Variants in CD5 observed in about 807,000 individuals in gnomAD.
The protein encoded by CD5 is CD5 molecule, also known as T-cell surface glycoprotein CD5.
A neutral mutation model predicts 60.3 loss-of-function variants in CD5; 36 were observed. That is an observed-to-expected ratio of 0.60 (90% CI 0.46 to 0.79). CD5 has a LOEUF of 0.79. CD5 is among the 30% of genes least tolerant of loss of function. The pLI, the probability that CD5 is intolerant of heterozygous loss-of-function variation, is 0.00. For missense variants in CD5, 540 were observed against 630.6 expected (o/e 0.86, Z 1.54); for synonymous variants, 230 against 257.6 (o/e 0.89, Z 1.03).
At chr11:61,100,216 TCA>T (rs1168953011), upstream of CD5, among the ~76,000 whole-genome samples, 3 of 116,458 alleles carry the variant, frequency 2.6e-5, no homozygotes, top group Non-Finnish European at 3.4e-5. Flanking sequence ...AACATGGAGA[TCA>T]CACACACACA....
At chr11:61,103,589 ATGTGTGAGTCTATGTGTGTC>A (rs1275935207) in intron 1 of CD5, among the ~76,000 whole-genome samples, 4 of 150,436 alleles carry the variant, frequency 2.7e-5, no homozygotes, top group Non-Finnish European at 5.9e-5. Context: ...GTGTGGGGGA[ATGTGTGAGTCTATGTGTGTC>A]TGTGTGAGTC....
chr11:61,102,413 C>A (rs993100681), upstream of CD5: 1 of 619,216 alleles, frequency 1.6e-6, no homozygotes, highest in Non-Finnish European at 2.8e-6. Flanking sequence ...ACATGGGTGA[C>A]GCAGGCCCCA....
At chr11:61,107,847 C>T (rs80233470) in intron 1 of CD5, among the ~76,000 whole-genome samples, 16,346 of 152,174 alleles carry the variant, frequency 0.11, 951 homozygotes, top group Non-Finnish European at 0.13. Context: ...TCTGCAGAGA[C>T]GACAAGGGTC....
intron 1 of CD5, among the ~76,000 whole-genome samples, chr11:61,109,448 G>A (rs566981108): frequency 7.4e-4 from 112 of 152,290 alleles, no homozygotes; most frequent in Non-Finnish European, 1.1e-3. Flanking sequence ...GTGGAGCCAG[G>A]ATGTCCTATT....
intron 5 of CD5, among the ~76,000 whole-genome samples, chr11:61,120,343 G>A (rs548814294): frequency 4.6e-5 from 7 of 152,304 alleles, no homozygotes; most frequent in Admixed American, 1.3e-4. Flanking sequence ...TGTACTTACC[G>A]AGAGCTTACT....
chr11:61,113,240 T>G (rs1860884622), intron 1 of CD5, among the ~76,000 whole-genome samples: 2 of 152,222 alleles, frequency 1.3e-5, no homozygotes, highest in South Asian at 4.1e-4. Context: ...ACCTAACTGA[T>G]CACGCTAGGT....
At chr11:61,099,999 T>TCA (rs1214441780), upstream of CD5, among the ~76,000 whole-genome samples, 26 of 133,272 alleles carry the variant, frequency 2.0e-4, no homozygotes, top group Non-Finnish European at 3.1e-4. Context: ...AACATGGAGA[T>TCA]CACACACACA....
chr11:61,099,512 C>T (rs1467620297), upstream of CD5, among the ~76,000 whole-genome samples: 2 of 147,254 alleles, frequency 1.4e-5, no homozygotes, highest in Non-Finnish European at 3.0e-5. Context: ...CACACACACA[C>T]ATCAACATGG....
intron 6 of CD5, among the ~76,000 whole-genome samples, chr11:61,122,446 G>GA (rs1861080613): frequency 6.6e-6 from 1 of 151,292 alleles, no homozygotes; most frequent in South Asian, 2.1e-4. Flanking sequence ...TGGATGGATG[G>GA]TTGGATGGAT....
chr11:61,114,064 A>G (rs1590769756), intron 1 of CD5, among the ~76,000 whole-genome samples: 1 of 152,144 alleles, frequency 6.6e-6, no homozygotes, highest in East Asian at 1.9e-4. Context: ...AACCCCCAAC[A>G]CACAAAAAGT....
chr11:61,111,921 AG>A (rs773678068), intron 1 of CD5, among the ~76,000 whole-genome samples: 7 of 152,254 alleles, frequency 4.6e-5, no homozygotes, highest in Non-Finnish European at 8.8e-5. Context: ...CTAGAAAGCT[AG>A]TCCCATGCTC....
intron 1 of CD5, 61 bp from the exon 2 acceptor site, chr11:61,114,995 C>A: frequency 2.0e-6 from 3 of 1,500,246 alleles, no homozygotes; most frequent in Non-Finnish European, 2.7e-6. Flanking sequence ...GGTGGGTGAG[C>A]TGGGGAGAAG....
At chr11:61,100,053 C>G (rs1472404764), upstream of CD5, among the ~76,000 whole-genome samples, 1 of 148,992 alleles carries the variant, frequency 6.7e-6, no homozygotes, top group South Asian at 2.1e-4. Flanking sequence ...AGATCACACA[C>G]ACACATCAAC....
chr11:61,115,040 T>C lies in CD5; in HGVS notation c.56-16T>C. On this transcript the variant is annotated splice_polypyrimidine_tract_variant and intron_variant, in intron 1 of 10. Transcript: ENST00000347785. ...GGGAGGTTTCACTTCCTGACCCTCCTCTCTTCTTTCTGCAGTCGCTTCCTG... is the reference window on the plus strand; with the variant it reads ...GGGAGGTTTCACTTCCTGACCCTCCCCTCTTCTTTCTGCAGTCGCTTCCTG... 1 of 1,554,340 alleles carries C rather than the reference T, an allele frequency of 6.4e-7. No individual in the cohort carries two copies. The highest frequency in any genetic ancestry group is 2.4e-5 in the East Asian group (1 of 41,248).
intron 1 of CD5, among the ~76,000 whole-genome samples, chr11:61,107,027 G>A (rs1040470786): frequency 6.6e-6 from 1 of 152,122 alleles, no homozygotes; most frequent in Non-Finnish European, 1.5e-5. Context: ...GGGTGTGATG[G>A]GGAGACAAAC....
chr11:61,126,150 G>A (rs1261458302), intron 10 of CD5, 138 bp from the exon 11 acceptor site: 4 of 234,754 alleles, frequency 1.7e-5, no homozygotes, highest in African/African-American at 9.0e-5. Flanking sequence ...CTGCCAACCT[G>A]CCAGCGGGCA....
At chr11:61,106,229 A>G (rs1471218161) in intron 1 of CD5, among the ~76,000 whole-genome samples, 1 of 152,016 alleles carries the variant, frequency 6.6e-6, no homozygotes, top group African/African-American at 2.4e-5. Context: ...AGTCTGCACT[A>G]GGATAGGAGG....
chr11:61,125,275 AG>A (rs1861131955), intron 9 of CD5, 124 bp downstream of exon 9: 1 of 1,065,374 alleles, frequency 9.4e-7, no homozygotes, highest in South Asian at 1.5e-5. Flanking sequence ...CCAGGGTGCA[AG>A]GGGATCAAAC....
At chr11:61,100,971 C>A (rs1296652351), upstream of CD5, among the ~76,000 whole-genome samples, 1 of 123,674 alleles carries the variant, frequency 8.1e-6, no homozygotes, top group Non-Finnish European at 1.7e-5. Flanking sequence ...ATGGAGATCA[C>A]ATTCACACAC....
Sources: gnomAD v4.1 joint callset for allele counts (sites outside exome capture counted in the v4.1 genomes callset) on GRCh38, gnomAD v4.1.1 for gene constraint, MANE v1.5 for transcripts, NCBI Gene and HGNC (gene_info 2026-07-23, HGNC 2026-07-21) for gene names.